ZFAND4: variants seen among roughly 807,000 people sequenced by gnomAD.
The protein encoded by ZFAND4 is AN1-type zinc finger protein 4.
ZFAND4 carries 43 observed loss-of-function variants against 64.4 expected under a neutral mutation model. The observed-to-expected ratio is 0.67, with a 90% CI of 0.52 to 0.86. The LOEUF is 0.86. Ranked by LOEUF, ZFAND4 falls within the 40% of genes least tolerant of loss-of-function variation. ZFAND4 has a pLI of 0.00. For missense variants in ZFAND4, 929 were observed against 859.8 expected, an observed-to-expected ratio of 1.08 and a Z score of -1.01; for synonymous variants, 296 against 305.7, an observed-to-expected ratio of 0.97 and a Z score of 0.33.
At chr10:45,668,445 CCA>C (rs2048973695) in intron 1 of ZFAND4, among the ~76,000 whole-genome samples, 1 of 152,196 alleles carries the variant, frequency 6.6e-6, no homozygotes. Flanking sequence ...ATGGTAAAGA[CCA>C]TTGATGCTGT....
At chr10:45,653,802 C>T (rs2047918308) in intron 2 of ZFAND4, among the ~76,000 whole-genome samples, 1 of 152,206 alleles carries the variant, frequency 6.6e-6, no homozygotes, top group African/African-American at 2.4e-5. Context: ...TTGAACCCAA[C>T]AATCCCACTA....
chr10:45,644,974 CT>C lies in ZFAND4; in HGVS notation c.569+3319del, dbSNP rs71515371. 5.6e-3 allele frequency among the ~76,000 whole-genome samples: 739 copies of C among 130,884 alleles called. 2 individuals carry two copies. Among genetic ancestry groups the C allele is most frequent in the African/African-American group, 0.01 (367 of 35,252 alleles). 85.9% of individuals were successfully genotyped at this position (130,884 alleles called of 152,430 possible). On this transcript the variant is annotated intron_variant, in intron 5 of 9. Transcript: ENST00000344646. ...TTTATAGTTAGTGAACATGTAAGGT[CT>C]TTTTTTTTTTTTTTTTGTCTTTTTG...
rs2044936342 is a variant in ZFAND4 at position 45,616,335 on chromosome 10, G to A, written c.*101C>T. ...TATGCATTGTATGCTTTTGTTATTT[G>A]GCAAATCTTTTAGAGTCGAACAAAA... On this transcript the variant is annotated 3_prime_UTR_variant, in exon 10 of 10. Transcript: ENST00000344646. The A allele has an allele frequency of 4.8e-6, 7 of 1,451,276 alleles. No homozygotes were observed. The highest frequency in any genetic ancestry group is 6.5e-6 in the Non-Finnish European group (7 of 1,073,528). The allele number at this position is 1,451,276 out of a possible 1,614,324, so 89.9% of individuals were successfully genotyped here. A position where few individuals can be genotyped will look rare whatever the true frequency, so the allele number is the denominator to read the frequency against.
At chr10:45,621,341 C>T (rs190809548) in intron 8 of ZFAND4, among the ~76,000 whole-genome samples, 34 of 151,624 alleles carry the variant, frequency 2.2e-4, no homozygotes, top group Non-Finnish European at 4.0e-4. Context: ...CACAGCTCTA[C>T]TGCAGCTAGC....
chr10:45,621,570 G>A (rs1228803820), intron 8 of ZFAND4, among the ~76,000 whole-genome samples: 3 of 151,890 alleles, frequency 2.0e-5, no homozygotes, highest in Admixed American at 1.3e-4. Flanking sequence ...GTGAAACCCC[G>A]TTTCTACTAA....
At chr10:45,644,026 A>G (rs2047207810) in intron 5 of ZFAND4, among the ~76,000 whole-genome samples, 1 of 152,260 alleles carries the variant, frequency 6.6e-6, no homozygotes. Flanking sequence ...ATCATGTATT[A>G]CAAATGGCTG....
chr10:45,635,467 T>G (rs961840302), intron 6 of ZFAND4, among the ~76,000 whole-genome samples: 6 of 152,138 alleles, frequency 3.9e-5, no homozygotes, highest in African/African-American at 1.4e-4. Context: ...TGGATCCACA[T>G]GCAGAAGAAT....
At chr10:45,650,722 T>C (rs748442073) in intron 4 of ZFAND4, 1 of 152,140 alleles carries the variant, frequency 6.6e-6, no homozygotes, top group Admixed American at 6.5e-5. Context: ...TATAATTCTA[T>C]CTTAACATAA....
intron 4 of ZFAND4, chr10:45,649,822 C>A (rs1004201156): frequency 1.3e-5 from 2 of 152,122 alleles, no homozygotes; most frequent in African/African-American, 2.4e-5. Flanking sequence ...AAAAACCCAA[C>A]AAAACACAAC....
At chr10:45,638,249 C>G (rs2046747694) in intron 6 of ZFAND4, among the ~76,000 whole-genome samples, 1 of 149,204 alleles carries the variant, frequency 6.7e-6, no homozygotes, top group Admixed American at 6.7e-5. Flanking sequence ...TTTGGGAGGT[C>G]GAGGCAGTCA....
In ZFAND4 at chr10:45,665,628, G is replaced by T. The variant is rs552608391; in HGVS notation, c.-117-1786C>A. ...AAGCCTAAAATTCACTGGTTTTTAT[G>T]ATGTACACAGAGTTGTGCAACAATC... On this transcript the variant is annotated intron_variant, in intron 1 of 9. Transcript: ENST00000344646. Among the ~76,000 whole-genome samples the T allele has an allele frequency of 1.4e-3, 206 of 152,212 alleles. 1 individual carries two copies. Among genetic ancestry groups the T allele is most frequent in the African/African-American group, 4.3e-3 (180 of 41,520 alleles).
chr10:45,636,813 C>T (rs528424488), intron 6 of ZFAND4, among the ~76,000 whole-genome samples: 4 of 152,222 alleles, frequency 2.6e-5, no homozygotes, highest in Admixed American at 1.3e-4. Flanking sequence ...CTAAATCCTT[C>T]ACTGATTTTC....
At chr10:45,665,728 C>T (rs2133867743) in intron 1 of ZFAND4, among the ~76,000 whole-genome samples, 1 of 152,132 alleles carries the variant, frequency 6.6e-6, no homozygotes, top group African/African-American at 2.4e-5. Context: ...TCCCAAATTC[C>T]CCCAGTCCCC....
intron 8 of ZFAND4, among the ~76,000 whole-genome samples, chr10:45,622,336 T>C (rs1406992991): frequency 6.6e-6 from 1 of 152,188 alleles, no homozygotes; most frequent in African/African-American, 2.4e-5. Context: ...CACTCTATTT[T>C]AACTCAAAAT....
chr10:45,652,645 A>G (rs2047834246), intron 3 of ZFAND4, among the ~76,000 whole-genome samples: 1 of 152,208 alleles, frequency 6.6e-6, no homozygotes, highest in Non-Finnish European at 1.5e-5. Flanking sequence ...AACTCTTGTA[A>G]AAACAGAAAG....
rs1367560969 is a variant in ZFAND4, at chr10:45,618,178, A to T, written c.2010T>A (p.Cys670Ter). The change falls in exon 9 of 10, where the codon TGT becomes TGA. Residue 670 changes from cysteine (C) to a stop codon, truncating the protein, a stop_gained. Coordinates refer to ENST00000344646, the MANE Select transcript of ZFAND4 (RefSeq NM_174890.4). LOFTEE classifies it high-confidence loss of function. ...TACTAGCCAGTCCTGTTTTCTTTCC[A>T]CAAAGAAAACAATGATTTGTTGTTT... ...KKKTTNHCFL[C>*]GKKTGLASSY... The T allele has an allele frequency of 4.3e-6, 7 of 1,613,390 alleles. No individual in the cohort carries two copies. Among genetic ancestry groups the T allele is most frequent in the Non-Finnish European group, 5.9e-6 (7 of 1,179,816 alleles).
At chr10:45,616,609 T>G in intron 9 of ZFAND4, 38 bp from the exon 10 acceptor site, 1 of 1,611,304 alleles carries the variant, frequency 6.2e-7, no homozygotes, top group Non-Finnish European at 8.5e-7. Flanking sequence ...TAGTTGTATT[T>G]CTATGAAAGG....
intron 5 of ZFAND4, among the ~76,000 whole-genome samples, chr10:45,647,607 G>A (rs192707151): frequency 6.6e-6 from 1 of 152,060 alleles, no homozygotes; most frequent in Non-Finnish European, 1.5e-5. Context: ...TATTCTCCCA[G>A]AGATCTTGAT....
intron 4 of ZFAND4, chr10:45,650,004 T>C (rs2047656166): frequency 6.6e-6 from 1 of 152,232 alleles, no homozygotes; most frequent in Admixed American, 6.5e-5. Context: ...AAACAATATA[T>C]ATGAAGTTTG....
Sources: gnomAD v4.1 joint callset for allele counts (sites outside exome capture counted in the v4.1 genomes callset) on GRCh38, gnomAD v4.1.1 for gene constraint, MANE v1.5 for transcripts, NCBI Gene and HGNC (gene_info 2026-07-23, HGNC 2026-07-21) for gene names.